Variants in CTNNA3 observed in about 807,000 individuals in gnomAD.
The protein encoded by CTNNA3 is catenin alpha-3.
CTNNA3 carries 76 observed loss-of-function variants against 95.7 expected under a neutral mutation model. The ratio of observed to expected loss-of-function variants is 0.79; its 90% confidence interval spans 0.66 to 0.96. The LOEUF is 0.96. Among genes scored for constraint, CTNNA3 ranks in the 40% least tolerant of loss-of-function variants. CTNNA3 has a pLI of 0.00. For synonymous variants in CTNNA3, 431 were observed against 374.4 expected, an observed-to-expected ratio of 1.15 and a Z score of -1.74; for missense variants, 1,191 against 1,089.8, an observed-to-expected ratio of 1.09 and a Z score of -1.31.
chr10:66,677,570 G>A (rs146628927), intron 9 of CTNNA3, among the ~76,000 whole-genome samples: 91 of 152,128 alleles, frequency 6.0e-4, no homozygotes, highest in African/African-American at 1.6e-3. Context: ...TCATGTGGGC[G>A]GAGCTTTCCC....
In CTNNA3 at chr10:67,688,027, G is replaced by A. The variant is rs374326018; in HGVS notation, c.-6+7973C>T. On this transcript the variant is annotated intron_variant, in intron 1 of 17. Transcript: ENST00000433211. Reference sequence around the variant, plus strand: ...AGATACCAGGTATCTCCAAACTCTCGGGCTGCAACTAAAGCCACATTCTTT... The same window carrying A: ...AGATACCAGGTATCTCCAAACTCTCAGGCTGCAACTAAAGCCACATTCTTT... Among the ~76,000 whole-genome samples, 184 of 152,144 alleles carry A rather than the reference G, an allele frequency of 1.2e-3. 5 individuals carry two copies. In the South Asian group the frequency reaches 0.035, roughly 29 times the overall value.
At chr10:66,713,419 T>C (rs1418468468) in intron 9 of CTNNA3, among the ~76,000 whole-genome samples, 1 of 152,108 alleles carries the variant, frequency 6.6e-6, no homozygotes, top group Non-Finnish European at 1.5e-5. Context: ...TAGAGTGTGG[T>C]TCCTGGCAGG....
chr10:66,538,907 T>G (rs1002231646), intron 10 of CTNNA3, among the ~76,000 whole-genome samples: 9 of 152,142 alleles, frequency 5.9e-5, no homozygotes, highest in Non-Finnish European at 1.0e-4. Flanking sequence ...TTTCCCTAGC[T>G]TTATTATTTT....
At chr10:67,240,176 A>C (rs191063600) in intron 5 of CTNNA3, among the ~76,000 whole-genome samples, 90 of 152,338 alleles carry the variant, frequency 5.9e-4, no homozygotes, top group African/African-American at 2.1e-3. Context: ...GGAGCTTATA[A>C]AAAGAGGTTT....
intron 4 of CTNNA3, among the ~76,000 whole-genome samples, chr10:67,529,119 T>C (rs1564717519): frequency 6.6e-6 from 1 of 152,082 alleles, no homozygotes; most frequent in Non-Finnish European, 1.5e-5. Context: ...TAAAACATCA[T>C]GTTATATACC....
chr10:67,363,856 C>A (rs962263770), intron 5 of CTNNA3, among the ~76,000 whole-genome samples: 5 of 152,108 alleles, frequency 3.3e-5, no homozygotes, highest in Non-Finnish European at 7.4e-5. Context: ...AAGAACAGTC[C>A]AGGACCAGAC....
chr10:67,185,615 A>C (rs1862801226), intron 6 of CTNNA3, among the ~76,000 whole-genome samples: 1 of 152,174 alleles, frequency 6.6e-6, no homozygotes, highest in Non-Finnish European at 1.5e-5. Flanking sequence ...GCCATCAGTT[A>C]AGGCTTCATT....
intron 5 of CTNNA3, among the ~76,000 whole-genome samples, chr10:67,481,939 A>C (rs1301695546): frequency 6.6e-6 from 1 of 151,916 alleles, no homozygotes; most frequent in Non-Finnish European, 1.5e-5. Context: ...GGTGTAAGGA[A>C]GGGATCCAGT....
At chr10:67,146,196 A>C (rs1471709692) in intron 7 of CTNNA3, among the ~76,000 whole-genome samples, 1 of 152,214 alleles carries the variant, frequency 6.6e-6, no homozygotes. Flanking sequence ...AACAAGACTT[A>C]GAAAAAGCAA....
intron 13 of CTNNA3, among the ~76,000 whole-genome samples, chr10:66,143,014 CTA>C (rs2083695960): frequency 6.6e-6 from 1 of 151,990 alleles, no homozygotes; most frequent in Non-Finnish European, 1.5e-5. Context: ...GTTAAATACA[CTA>C]AATTTCTGAC....
intron 15 of CTNNA3, among the ~76,000 whole-genome samples, chr10:66,066,724 T>C (rs2080320571): frequency 1.3e-5 from 2 of 152,182 alleles, no homozygotes; most frequent in Non-Finnish European, 2.9e-5. Flanking sequence ...CTTTGGAAAG[T>C]GGATTTCTTT....
At chr10:66,256,577 C>T (rs756204608) in intron 13 of CTNNA3, among the ~76,000 whole-genome samples, 7 of 151,884 alleles carry the variant, frequency 4.6e-5, no homozygotes, top group East Asian at 1.9e-4. Context: ...AAAAATTAGC[C>T]GGTCATGGTG....
At chr10:67,286,112 T>C (rs1349143134) in intron 5 of CTNNA3, among the ~76,000 whole-genome samples, 1 of 152,194 alleles carries the variant, frequency 6.6e-6, no homozygotes, top group East Asian at 1.9e-4. Flanking sequence ...ACAATATGTT[T>C]GTGCAAGTGT....
chr10:65,944,660 A>T (rs889923379), intron 17 of CTNNA3, among the ~76,000 whole-genome samples: 6 of 152,186 alleles, frequency 3.9e-5, no homozygotes, highest in Non-Finnish European at 8.8e-5. Flanking sequence ...TAGCTGGCAT[A>T]TGGAATGTTT....
intron 12 of CTNNA3, among the ~76,000 whole-genome samples, chr10:66,323,994 C>T (rs187210680): frequency 2.6e-4 from 39 of 152,006 alleles, no homozygotes; most frequent in African/African-American, 9.2e-4. Flanking sequence ...CCACTCCATC[C>T]CCACTTCTGG....
At chr10:66,473,246 G>T (rs952647084) in intron 11 of CTNNA3, among the ~76,000 whole-genome samples, 3 of 151,914 alleles carry the variant, frequency 2.0e-5, no homozygotes, top group Non-Finnish European at 2.9e-5. Context: ...TCTAGGGAGA[G>T]ACCTGATGGG....
At chr10:66,487,523 G>C (rs917820477) in intron 11 of CTNNA3, among the ~76,000 whole-genome samples, 2 of 151,660 alleles carry the variant, frequency 1.3e-5, no homozygotes, top group African/African-American at 2.4e-5. Context: ...CACTGTGCCC[G>C]GCCTAAAAGG....
chr10:66,891,526 ATCAG>A (rs1443956410), intron 7 of CTNNA3, among the ~76,000 whole-genome samples: 3 of 152,198 alleles, frequency 2.0e-5, no homozygotes, highest in Admixed American at 6.5e-5. Flanking sequence ...TGTAAGGATA[ATCAG>A]TCAATTTGTT....
intron 9 of CTNNA3, among the ~76,000 whole-genome samples, chr10:66,672,337 T>C (rs552583552): frequency 6.6e-6 from 1 of 152,258 alleles, no homozygotes; most frequent in East Asian, 1.9e-4. Flanking sequence ...GATTTTCTGC[T>C]CTTACGGAGT....
Sources: allele counts gnomAD v4.1 joint callset (sites outside exome capture counted in the v4.1 genomes callset), GRCh38; gene constraint gnomAD v4.1.1; transcripts MANE v1.5; gene names NCBI Gene and HGNC (gene_info 2026-07-23, HGNC 2026-07-21).